SLC6A5: variants seen among roughly 807,000 people sequenced by gnomAD.
SLC6A5 encodes sodium- and chloride-dependent glycine transporter 2.
In SLC6A5, 58 loss-of-function variants were observed where a neutral mutation model predicts 90.5. The observed-to-expected ratio is 0.64, with a 90% CI of 0.52 to 0.80. The LOEUF is 0.80. SLC6A5 is among the 30% of genes least tolerant of loss of function. The pLI is 0.00. For synonymous variants in SLC6A5, 427 were observed against 401.4 expected (o/e 1.06, Z -0.76); for missense variants, 1,015 against 1,017.6 (o/e 1.00, Z 0.03).
Position 20,607,534 on chromosome 11 carries a change from G to A in SLC6A5, c.867G>A (p.Val289=), listed in dbSNP as rs1267923293. ...TCCTAATAGCCATATACTACAATGT[G>A]ATTATTTGCTATACACTTTTCTACC... is the stretch of plus-strand genomic sequence containing the variant. The part of the protein sequence containing the change: ...ISVLIAIYYN[V]IICYTLFYLF... The change falls in exon 5 of 16, where the codon GTG becomes GTA. Residue 289 remains valine (V), a synonymous_variant. Coordinates refer to ENST00000525748, the MANE Select transcript of SLC6A5 (RefSeq NM_004211.5). 3 of 1,614,152 alleles carry A rather than the reference G, an allele frequency of 1.9e-6. No homozygotes were observed. Among genetic ancestry groups the A allele is most frequent in the Non-Finnish European group, 2.5e-6 (3 of 1,180,008 alleles).
chr11:20,622,431 C>T (rs1244038822), intron 7 of SLC6A5, among the ~76,000 whole-genome samples: 1 of 152,176 alleles, frequency 6.6e-6, no homozygotes, highest in East Asian at 1.9e-4. Flanking sequence ...CTAGATGCCT[C>T]CTGTCTCACT....
chr11:20,649,029 C>T (rs1397464765), intron 14 of SLC6A5, among the ~76,000 whole-genome samples: 1 of 152,062 alleles, frequency 6.6e-6, no homozygotes, highest in Non-Finnish European at 1.5e-5. Flanking sequence ...CAAGCCAATA[C>T]CTATATATTA....
chr11:20,620,464 G>GTCTCCTT (rs1852868698), intron 7 of SLC6A5, among the ~76,000 whole-genome samples: 1 of 152,210 alleles, frequency 6.6e-6, no homozygotes, highest in Non-Finnish European at 1.5e-5. Context: ...CTGGTGTATG[G>GTCTCCTT]TCAGTTATTA....
intron 14 of SLC6A5, among the ~76,000 whole-genome samples, chr11:20,647,391 A>ATATAAC (rs1853439032): frequency 1.9e-5 from 2 of 108,044 alleles, no homozygotes; most frequent in Non-Finnish European, 3.8e-5. Context: ...TTATATAGTT[A>ATATAAC]TATATATTCC....
At chr11:20,647,190 C>G (rs1262805818) in intron 14 of SLC6A5, among the ~76,000 whole-genome samples, 2 of 131,490 alleles carry the variant, frequency 1.5e-5, no homozygotes, top group African/African-American at 5.4e-5. Flanking sequence ...TCCTATGGCA[C>G]ATTTCCCATT....
intron 9 of SLC6A5, among the ~76,000 whole-genome samples, chr11:20,628,678 T>C (rs1429516153): frequency 6.6e-6 from 1 of 152,168 alleles, no homozygotes; most frequent in East Asian, 1.9e-4. Context: ...CAGACTATGG[T>C]ATTTAAACTT....
chr11:20,652,479 C>T (rs960109954), intron 15 of SLC6A5, 23 bp downstream of exon 15: 2 of 1,598,438 alleles, frequency 1.3e-6, no homozygotes, highest in Non-Finnish European at 1.7e-6. Context: ...ACTTCTTTCC[C>T]TCCCAATTCC....
chr11:20,614,894 A>T lies in SLC6A5; in HGVS notation c.1127+74A>T, dbSNP rs537368389. ...GAATTAATAAATATTCAATTTGCAG[A>T]CCAGAGGTGTGGGTAGCCCAAGGGA... is the stretch of plus-strand genomic sequence containing the variant. On this transcript the variant is annotated intron_variant, in intron 6 of 15. Transcript: ENST00000525748. 6.2e-6 allele frequency: 9 copies of T among 1,440,066 alleles called. No homozygotes were observed. The Admixed American group carries it at 8.4e-5, about 13-fold the overall frequency. 89.2% of individuals were successfully genotyped at this position (1,440,066 alleles called of 1,614,324 possible). A position where few individuals can be genotyped will look rare whatever the true frequency, so the allele number is the denominator to read the frequency against.
chr11:20,648,052 T>C (rs1344220909), intron 14 of SLC6A5, among the ~76,000 whole-genome samples: 3 of 152,174 alleles, frequency 2.0e-5, no homozygotes, highest in Non-Finnish European at 4.4e-5. Context: ...TTTGCCCCAC[T>C]TCACACTGCA....
intron 2 of SLC6A5, among the ~76,000 whole-genome samples, chr11:20,601,963 C>T (rs1020482836): frequency 6.6e-6 from 1 of 152,268 alleles, no homozygotes; most frequent in Admixed American, 6.5e-5. Context: ...ATAGATTCCA[C>T]CCTTTTATGC....
At chr11:20,624,905 G>C (rs1416473765) in intron 7 of SLC6A5, among the ~76,000 whole-genome samples, 1 of 152,212 alleles carries the variant, frequency 6.6e-6, no homozygotes. Context: ...ACTTTGTGTG[G>C]ATTGTAAGTG....
intron 15 of SLC6A5, 99 bp from the exon 16 acceptor site, chr11:20,654,614 G>T: frequency 8.2e-7 from 1 of 1,213,360 alleles, no homozygotes; most frequent in Non-Finnish European, 1.2e-6. Flanking sequence ...AAGGACTCTG[G>T]TCAAAGTGGT....
At chr11:20,602,390 C>T (rs1852497297) in intron 2 of SLC6A5, among the ~76,000 whole-genome samples, 1 of 152,248 alleles carries the variant, frequency 6.6e-6, no homozygotes, top group African/African-American at 2.4e-5. Context: ...CAGAGCAAAT[C>T]CCAATCCTTG....
chr11:20,621,501 C>A (rs550739084), intron 7 of SLC6A5, among the ~76,000 whole-genome samples: 1 of 152,352 alleles, frequency 6.6e-6, no homozygotes, highest in Admixed American at 6.5e-5. Context: ...GATCTGCCAA[C>A]TTATCTCTCT....
At chr11:20,613,652 CTTTTTTT>C (rs3045403) in intron 5 of SLC6A5, among the ~76,000 whole-genome samples, 4,111 of 126,396 alleles carry the variant, frequency 0.033, 164 homozygotes, top group African/African-American at 0.093. Flanking sequence ...CTAAATAATT[CTTTTTTT>C]TTTTTTTTTT....
At chr11:20,609,993 T>C (rs1565274055) in intron 5 of SLC6A5, among the ~76,000 whole-genome samples, 1 of 152,176 alleles carries the variant, frequency 6.6e-6, no homozygotes, top group Non-Finnish European at 1.5e-5. Flanking sequence ...TACGTGAAAA[T>C]AGGAGCTAGC....
At chr11:20,622,187 C>T (rs1277919976) in intron 7 of SLC6A5, among the ~76,000 whole-genome samples, 2 of 152,218 alleles carry the variant, frequency 1.3e-5, no homozygotes, top group East Asian at 1.9e-4. Context: ...CACAGGGGAA[C>T]TAGCTGTGCA....
intron 5 of SLC6A5, among the ~76,000 whole-genome samples, chr11:20,608,622 G>A (rs530854291): frequency 9.9e-5 from 15 of 152,278 alleles, no homozygotes; most frequent in African/African-American, 2.9e-4. Flanking sequence ...GGAAGTTCTC[G>A]TCATTTTAAA....
At chr11:20,616,513 C>T (rs7942430) in intron 6 of SLC6A5, among the ~76,000 whole-genome samples, 89,112 of 152,098 alleles carry the variant, frequency 0.59, 27,009 homozygotes, top group South Asian at 0.72. Context: ...GTTTGAGGTC[C>T]TACAATTGAA....
Sources: gnomAD v4.1 joint callset for allele counts (sites outside exome capture counted in the v4.1 genomes callset) on GRCh38, gnomAD v4.1.1 for gene constraint, MANE v1.5 for transcripts, NCBI Gene and HGNC (gene_info 2026-07-23, HGNC 2026-07-21) for gene names.